Variants in PPP2R2B observed in about 807,000 individuals in gnomAD.
The protein encoded by PPP2R2B is protein phosphatase 2 regulatory subunit Bbeta.
A neutral mutation model predicts 46.0 loss-of-function variants in PPP2R2B; 5 were observed. The ratio of observed to expected loss-of-function variants is 0.11; its 90% CI spans 0.06 to 0.23. PPP2R2B has a LOEUF of 0.23. Among genes scored for constraint, PPP2R2B ranks in the 10% least tolerant of loss-of-function variants. The pLI is 1.00. For synonymous variants in PPP2R2B, 215 were observed against 206.7 expected (o/e 1.04, Z -0.34); for missense variants, 367 against 575.0 (o/e 0.64, Z 3.70).
intron 1 of PPP2R2B, among the ~76,000 whole-genome samples, chr5:146,953,200 C>A (rs964000780): frequency 3.7e-4 from 56 of 152,282 alleles, no homozygotes; most frequent in African/African-American, 1.1e-3. Context: ...AATAAATCTG[C>A]AACATGGCTT....
intron 2 of PPP2R2B, among the ~76,000 whole-genome samples, chr5:146,877,782 C>G (rs1582338891): frequency 6.6e-6 from 1 of 152,200 alleles, no homozygotes; most frequent in East Asian, 1.9e-4. Flanking sequence ...CATTTTAACT[C>G]CCGTGGGCGC....
chr5:146,620,637 G>A (rs139948034), intron 7 of PPP2R2B, among the ~76,000 whole-genome samples: 41 of 152,266 alleles, frequency 2.7e-4, no homozygotes, highest in African/African-American at 8.7e-4. Flanking sequence ...CCTACAGCCA[G>A]TGGGCTCCGG....
intron 2 of PPP2R2B, among the ~76,000 whole-genome samples, chr5:146,719,760 G>A (rs1223566533): frequency 1.5e-5 from 2 of 137,108 alleles, no homozygotes; most frequent in Non-Finnish European, 3.1e-5. Context: ...TAACATTGCA[G>A]TATTAGCCCA....
At chr5:146,718,660 A>C (rs1222426256) in intron 2 of PPP2R2B, among the ~76,000 whole-genome samples, 1 of 152,202 alleles carries the variant, frequency 6.6e-6, no homozygotes. Context: ...CTTAAATTCC[A>C]GCCCTTGTCT....
intron 2 of PPP2R2B, among the ~76,000 whole-genome samples, chr5:146,746,070 G>A (rs1294565802): frequency 2.0e-5 from 3 of 152,170 alleles, no homozygotes; most frequent in Non-Finnish European, 4.4e-5. Context: ...TTGGCTCAAT[G>A]ACAGACTTTA....
Position 146,961,804 on chromosome 5 carries a change from G to A in PPP2R2B, c.79+93861C>T, listed in dbSNP as rs138637686. Reference sequence around the variant, plus strand: ...AGTCAGGAAGACACTGGTCCCCCATGGAGGAGATTTTTTTTCAAAGGAATG... The same window carrying A: ...AGTCAGGAAGACACTGGTCCCCCATAGAGGAGATTTTTTTTCAAAGGAATG... On this transcript the variant is annotated intron_variant, in intron 1 of 8. Transcript: ENST00000336640. 1.9e-4 allele frequency among the ~76,000 whole-genome samples: 29 copies of A among 152,114 alleles called. No individual in the cohort carries two copies. The East Asian group carries it at 5.6e-3, about 30-fold the overall frequency.
intron 2 of PPP2R2B, among the ~76,000 whole-genome samples, chr5:146,797,673 G>A (rs2151301468): frequency 6.6e-6 from 1 of 152,330 alleles, no homozygotes; most frequent in Admixed American, 6.5e-5. Flanking sequence ...GGTATTTATT[G>A]AACATGCAGT....
At chr5:146,676,119 A>C (rs1024916853) in intron 5 of PPP2R2B, among the ~76,000 whole-genome samples, 72 of 152,200 alleles carry the variant, frequency 4.7e-4, no homozygotes, top group African/African-American at 1.6e-3. Flanking sequence ...AGAGGGCAAC[A>C]TGGCCAAACT....
rs1001004142 is a variant in PPP2R2B at position 146,589,343 on chromosome 5, T to G, written c.*604A>C. On this transcript the variant is annotated 3_prime_UTR_variant, in exon 10 of 10. Transcript: ENST00000394411. ...TTACAAAAAAAGAGCATAGCAGGGT[T>G]GATGTGCCCTTTCCTTGTCATTCTG... is the stretch of plus-strand genomic sequence containing the variant. The G allele has an allele frequency of 6.5e-6, 1 of 152,978 alleles. No individual in the cohort carries two copies. The highest frequency in any genetic ancestry group is 1.5e-5 in the Non-Finnish European group (1 of 68,482). 9.5% of individuals were successfully genotyped at this position (152,978 alleles called of 1,614,324 possible).
intron 9 of PPP2R2B, among the ~76,000 whole-genome samples, chr5:146,591,639 C>T (rs569913888): frequency 9.2e-4 from 135 of 146,118 alleles, no homozygotes; most frequent in Non-Finnish European, 1.7e-3. Context: ...CACCATGACC[C>T]GACTTATTTT....
chr5:146,912,876 AT>A (rs1369000769), intron 1 of PPP2R2B, among the ~76,000 whole-genome samples: 2 of 152,188 alleles, frequency 1.3e-5, no homozygotes, highest in Non-Finnish European at 2.9e-5. Flanking sequence ...AGTCTCTTCA[AT>A]GTGTCAAGTA....
At chr5:146,809,239 G>C (rs921516947) in intron 2 of PPP2R2B, among the ~76,000 whole-genome samples, 2 of 152,106 alleles carry the variant, frequency 1.3e-5, no homozygotes, top group East Asian at 3.9e-4. Flanking sequence ...AAATAATGGA[G>C]ACAGAAATTC....
chr5:146,788,022 G>A (rs981309845), intron 2 of PPP2R2B, among the ~76,000 whole-genome samples: 2 of 152,096 alleles, frequency 1.3e-5, no homozygotes, highest in African/African-American at 4.8e-5. Flanking sequence ...TGCTTTCGGA[G>A]GCAAAGTCAA....
intron 1 of PPP2R2B, among the ~76,000 whole-genome samples, chr5:147,005,416 T>C (rs189554876): frequency 6.6e-6 from 1 of 152,326 alleles, no homozygotes; most frequent in Non-Finnish European, 1.5e-5. Context: ...TAAATGTGTA[T>C]ACAGATAGCA....
intron 2 of PPP2R2B, among the ~76,000 whole-genome samples, chr5:146,866,922 A>G (rs916453192): frequency 2.0e-5 from 3 of 152,198 alleles, no homozygotes; most frequent in Admixed American, 2.0e-4. Context: ...AAGTACTCAC[A>G]GCTAATTGAG....
chr5:147,039,872 G>A (rs1464417307), intron 1 of PPP2R2B, among the ~76,000 whole-genome samples: 1 of 152,140 alleles, frequency 6.6e-6, no homozygotes, highest in Non-Finnish European at 1.5e-5. Context: ...CATAGTAGGT[G>A]CTCAAGTAAT....
intron 1 of PPP2R2B, among the ~76,000 whole-genome samples, chr5:146,985,874 G>C (rs554467498): frequency 6.6e-6 from 1 of 151,814 alleles, no homozygotes; most frequent in Non-Finnish European, 1.5e-5. Context: ...TAAAGTTGTG[G>C]GATACAAAAT....
At chr5:146,616,698 A>T (rs1334561946) in intron 7 of PPP2R2B, among the ~76,000 whole-genome samples, 1 of 152,226 alleles carries the variant, frequency 6.6e-6, no homozygotes, top group African/African-American at 2.4e-5. Flanking sequence ...CCCTAGTTAA[A>T]ATGGCTTTCA....
chr5:146,702,022 G>T (rs558102058), intron 2 of PPP2R2B, among the ~76,000 whole-genome samples: 57 of 149,094 alleles, frequency 3.8e-4, no homozygotes, highest in African/African-American at 1.4e-3. Context: ...CCCCTGCAGG[G>T]CTCCAACAAT....
Sources: allele counts gnomAD v4.1 joint callset (sites outside exome capture counted in the v4.1 genomes callset), GRCh38; gene constraint gnomAD v4.1.1; transcripts MANE v1.5; gene names NCBI Gene and HGNC (gene_info 2026-07-23, HGNC 2026-07-21).